The following SMYD3 variants were observed in gnomAD, a reference collection of about 807,000 sequenced individuals.
SMYD3 encodes the protein SET and MYND domain containing 3, also known as histone-lysine N-methyltransferase SMYD3.
SMYD3 carries 36 observed loss-of-function variants against 57.7 expected under a neutral mutation model. The observed-to-expected ratio is 0.62, with a 90% confidence interval of 0.48 to 0.82. SMYD3 has a LOEUF of 0.82. Among genes scored for constraint, SMYD3 ranks in the 40% least tolerant of loss-of-function variants. The pLI, the probability that SMYD3 is intolerant of heterozygous loss-of-function variation, is 0.00. For synonymous variants in SMYD3, 211 were observed against 195.0 expected (o/e 1.08, Z -0.68); for missense variants, 515 against 538.8 (o/e 0.96, Z 0.44).
chr1:246,064,818 C>A (rs1026455737), intron 5 of SMYD3, among the ~76,000 whole-genome samples: 1 of 152,206 alleles, frequency 6.6e-6, no homozygotes, highest in Non-Finnish European at 1.5e-5. Flanking sequence ...CACTGGGAAC[C>A]GTGCATCGTT....
At chr1:246,401,202 C>A (rs1020613495) in intron 1 of SMYD3, among the ~76,000 whole-genome samples, 1 of 152,112 alleles carries the variant, frequency 6.6e-6, no homozygotes, top group Non-Finnish European at 1.5e-5. Flanking sequence ...ATATTAAACT[C>A]TAAAAAATAA....
chr1:245,865,108 G>A (rs777994750), intron 8 of SMYD3, among the ~76,000 whole-genome samples: 2 of 152,170 alleles, frequency 1.3e-5, no homozygotes, highest in Non-Finnish European at 2.9e-5. Context: ...AACCACATGT[G>A]TGCACAATGC....
chr1:246,127,245 T>A (rs2061523145), intron 5 of SMYD3, among the ~76,000 whole-genome samples: 1 of 151,984 alleles, frequency 6.6e-6, no homozygotes, highest in Non-Finnish European at 1.5e-5. Context: ...AGGCACCAGT[T>A]CCCATGCCAA....
intron 5 of SMYD3, among the ~76,000 whole-genome samples, chr1:246,223,628 C>T (rs535381345): frequency 3.3e-5 from 5 of 152,050 alleles, no homozygotes; most frequent in South Asian, 2.1e-4. Context: ...TATGGACCTA[C>T]GACTATACTA....
At chr1:245,795,978 T>TA (rs2047504989) in intron 10 of SMYD3, among the ~76,000 whole-genome samples, 2 of 152,216 alleles carry the variant, frequency 1.3e-5, no homozygotes, top group South Asian at 4.1e-4. Flanking sequence ...TGGATCCAGT[T>TA]AGTTGTCTTC....
intron 5 of SMYD3, among the ~76,000 whole-genome samples, chr1:246,259,635 A>C (rs980437331): frequency 6.6e-6 from 1 of 152,176 alleles, no homozygotes; most frequent in African/African-American, 2.4e-5. Flanking sequence ...TGGATACTTG[A>C]TCCTTGTTTA....
intron 10 of SMYD3, among the ~76,000 whole-genome samples, chr1:245,817,238 C>T (rs915861450): frequency 9.8e-5 from 14 of 143,436 alleles, no homozygotes; most frequent in East Asian, 4.1e-4. Context: ...GGTCCCTGAC[C>T]CCTGACCCCC....
chr1:245,951,021 T>G (rs61635469), intron 5 of SMYD3, among the ~76,000 whole-genome samples: 9,991 of 152,140 alleles, frequency 0.066, 1,068 homozygotes, highest in African/African-American at 0.23. Flanking sequence ...TATTTGTTAT[T>G]GAGAGCACCA....
At chr1:245,929,847 A>G (rs943236621) in intron 6 of SMYD3, 23 bp downstream of exon 6, 2 of 1,585,290 alleles carry the variant, frequency 1.3e-6, no homozygotes, top group African/African-American at 1.3e-5. Flanking sequence ...GTCTTCCAGT[A>G]CATGAAGTAC....
chr1:245,842,779 G>C (rs1934579), intron 10 of SMYD3, among the ~76,000 whole-genome samples: 33,068 of 151,970 alleles, frequency 0.22, 3,938 homozygotes, highest in African/African-American at 0.32. Context: ...TACAATCAAA[G>C]CTAACTGTTA....
At chr1:245,758,086 C>A (rs1046767150) in intron 11 of SMYD3, among the ~76,000 whole-genome samples, 3 of 152,068 alleles carry the variant, frequency 2.0e-5, no homozygotes, top group African/African-American at 4.8e-5. Context: ...CTTATTTATG[C>A]CTTCTTCATG....
intron 5 of SMYD3, among the ~76,000 whole-genome samples, chr1:246,004,715 C>T (rs4654186): frequency 0.44 from 66,781 of 152,088 alleles, 17,881 homozygotes; most frequent in Non-Finnish European, 0.61. Flanking sequence ...CAAAGGGTTA[C>T]GTAGGGTTGA....
intron 5 of SMYD3, chr1:246,326,183 A>G (rs1371076481): frequency 1.9e-5 from 8 of 417,544 alleles, no homozygotes; most frequent in African/African-American, 8.2e-5. Context: ...TGGCATAAAT[A>G]TATCTTCAAA....
intron 5 of SMYD3, among the ~76,000 whole-genome samples, chr1:246,184,720 CT>C (rs2062604535): frequency 6.6e-6 from 1 of 152,154 alleles, no homozygotes; most frequent in Non-Finnish European, 1.5e-5. Flanking sequence ...CCCTTCCTCC[CT>C]GTGTGCTTGC....
At chr1:246,294,624 A>G (rs1315706281) in intron 5 of SMYD3, among the ~76,000 whole-genome samples, 2 of 151,318 alleles carry the variant, frequency 1.3e-5, no homozygotes, top group African/African-American at 4.9e-5. Context: ...TTTAAGACAG[A>G]GTCTTACTCT....
chr1:246,289,698 T>C (rs1355706536), intron 5 of SMYD3, among the ~76,000 whole-genome samples: 1 of 152,226 alleles, frequency 6.6e-6, no homozygotes, highest in Non-Finnish European at 1.5e-5. Context: ...ACTTGGTAAA[T>C]GCTCAGTAAA....
intron 5 of SMYD3, among the ~76,000 whole-genome samples, chr1:245,934,862 G>A (rs979378195): frequency 6.6e-6 from 1 of 152,186 alleles, no homozygotes; most frequent in African/African-American, 2.4e-5. Flanking sequence ...ATGCTGTAAG[G>A]TTGCGGGGAC....
At chr1:246,193,011 C>A (rs2062765919) in intron 5 of SMYD3, among the ~76,000 whole-genome samples, 1 of 151,778 alleles carries the variant, frequency 6.6e-6, no homozygotes, top group African/African-American at 2.4e-5. Context: ...ATAAGTACAG[C>A]CAAATTAAGA....
intron 8 of SMYD3, among the ~76,000 whole-genome samples, chr1:245,865,947 A>G (rs566097207): frequency 7.4e-4 from 112 of 151,566 alleles, no homozygotes; most frequent in Non-Finnish European, 1.5e-3. Flanking sequence ...GGTGTCAGAG[A>G]CAAGAACCAC....
Sources: allele counts gnomAD v4.1 joint callset (sites outside exome capture counted in the v4.1 genomes callset), GRCh38; gene constraint gnomAD v4.1.1; transcripts MANE v1.5; gene names NCBI Gene and HGNC (gene_info 2026-07-23, HGNC 2026-07-21).